Variants in TPR observed in about 807,000 individuals in gnomAD.
TPR encodes the protein nucleoprotein TPR.
A neutral mutation model predicts 316.1 loss-of-function variants in TPR; 51 were observed. The observed-to-expected ratio is 0.16, with a 90% confidence interval of 0.13 to 0.20. TPR has a LOEUF of 0.20. Ranked by LOEUF, TPR falls within the 10% of genes least tolerant of loss-of-function variation. The probability of loss-of-function intolerance (pLI) is 1.00; values close to 1 mark genes in which losing one functional copy is unlikely to be tolerated. For synonymous variants in TPR, 981 were observed against 914.7 expected, an observed-to-expected ratio of 1.07 and a Z score of -1.31; for missense variants, 2,272 against 2,754.8, an observed-to-expected ratio of 0.82 and a Z score of 3.92.
In TPR at chr1:186,367,998, G is replaced by A. The variant is rs1314281344; in HGVS notation, c.331-16C>T. 5.1e-6 allele frequency: 8 copies of A among 1,579,130 alleles called. No individual in the cohort carries two copies. The highest frequency in any genetic ancestry group is 6.9e-6 in the Non-Finnish European group (8 of 1,155,188). On this transcript the variant is annotated splice_polypyrimidine_tract_variant and intron_variant, in intron 3 of 50. Transcript: ENST00000367478. ...TAAATTGGCTCTGTCATATAAAGAA[G>A]TAATAAGTAAGAAAATCAAGTAGAG...
intron 36 of TPR, 64 bp from the exon 37 acceptor site, chr1:186,333,458 C>G: frequency 6.4e-7 from 1 of 1,569,378 alleles, no homozygotes. Context: ...AATTATCCTT[C>G]CTATTCTGTG....
At position 186,313,613 on chromosome 1, in the gene TPR, CAT is replaced by C; in HGVS notation, c.*356_*357del. On this transcript the variant is annotated 3_prime_UTR_variant, in exon 51 of 51. Coordinates refer to ENST00000367478, the MANE Select transcript of TPR (RefSeq NM_003292.3). ...CATTGTCTTTGAGCATAATAGTCAA[CAT>C]AAGTTATTTTTTAGTTTGGGCATTG... 1.1e-6 allele frequency: 1 copy of C among 912,968 alleles called. No homozygotes were observed. The highest frequency in any genetic ancestry group is 1.3e-5 in the South Asian group (1 of 76,024). The allele number at this position is 912,968 out of a possible 1,614,324, so 56.6% of individuals were successfully genotyped here.
At chr1:186,365,204 T>C (rs1391279350) in intron 4 of TPR, among the ~76,000 whole-genome samples, 2 of 151,336 alleles carry the variant, frequency 1.3e-5, no homozygotes, top group Non-Finnish European at 2.9e-5. Context: ...CATGTGATTC[T>C]CATGACTCAG....
At chr1:186,354,998 G>A (rs1478230330) in intron 17 of TPR, among the ~76,000 whole-genome samples, 1 of 152,024 alleles carries the variant, frequency 6.6e-6, no homozygotes, top group Admixed American at 6.6e-5. Flanking sequence ...CTGCCTCCTG[G>A]GCTCAAGTGA....
intron 13 of TPR, among the ~76,000 whole-genome samples, chr1:186,358,033 G>A (rs1282823280): frequency 6.6e-6 from 1 of 152,116 alleles, no homozygotes; most frequent in Non-Finnish European, 1.5e-5. Flanking sequence ...TTACATTTGT[G>A]CATTGCGTGG....
Position 186,343,858 on chromosome 1 carries a change from T to C in TPR, c.3602+48A>G. On this transcript the variant is annotated intron_variant, in intron 26 of 50. Transcript: ENST00000367478. Reference sequence around the variant, plus strand: ...CTAATTTATATATTTGTAGTTTCATTTCATAGTTGTTATACCACAGAAATG... The same window carrying C: ...CTAATTTATATATTTGTAGTTTCATCTCATAGTTGTTATACCACAGAAATG... The C allele has an allele frequency of 2.7e-6, 4 of 1,464,358 alleles. No homozygotes were observed. In the South Asian group the frequency reaches 5.1e-5, roughly 19 times the overall value. 90.7% of individuals were successfully genotyped at this position (1,464,358 alleles called of 1,614,324 possible). A position where few individuals can be genotyped will look rare whatever the true frequency, so the allele number is the denominator to read the frequency against.
chr1:186,371,065 A>T, intron 2 of TPR, 22 bp from the exon 3 acceptor site: 1 of 1,583,472 alleles, frequency 6.3e-7, no homozygotes, highest in Non-Finnish European at 8.7e-7. Flanking sequence ...GAATTTTATG[A>T]ATACATACAC....
Position 186,335,510 on chromosome 1 carries a change from T to G in TPR, c.4739A>C (p.Glu1580Ala). Residue 1580 changes from glutamate to alanine, a missense_variant, in exon 34 of 51, where the codon GAG (glutamate) becomes GCG (alanine). Glu to Ala is a moderately radical substitution (Grantham distance 107). Coordinates refer to ENST00000367478, the MANE Select transcript of TPR (RefSeq NM_003292.3). ...TAAGGCTCCATTCCTTTGTTTAAGCTCCTCATTTTCTTTAGTTAGCTGATC... is the reference window on the plus strand; with the variant it reads ...TAAGGCTCCATTCCTTTGTTTAAGCGCCTCATTTTCTTTAGTTAGCTGATC... Reference protein sequence around the residue: ...VKDQLTKENEELKQRNGALDQ... With the variant: ...VKDQLTKENEALKQRNGALDQ... The G allele has an allele frequency of 6.2e-7, 1 of 1,607,110 alleles. No individual in the cohort carries two copies. The highest frequency in any genetic ancestry group is 8.5e-7 in the Non-Finnish European group (1 of 1,177,398).
In TPR at chr1:186,367,956, T is replaced by C. The variant is rs1571640798; in HGVS notation, c.357A>G (p.Glu119=). The change falls in exon 4 of 51, where the codon GAA becomes GAG. Residue 119 remains glutamate, a synonymous_variant. Transcript: ENST00000367478. The stretch of plus-strand genomic sequence containing the variant: ...TTAAGTCTCTTTTCTCAGCTTCTAA[T>C]TCTTCCTTTGTTCTTGTAAATTGGC... ...IQSQFTRTKE[E]LEAEKRDLIR... is the part of the protein sequence containing the mutation. 1.2e-6 allele frequency: 2 copies of C among 1,610,832 alleles called. No homozygotes were observed. The highest frequency in any genetic ancestry group is 1.7e-6 in the Non-Finnish European group (2 of 1,179,490).
chr1:186,365,602 A>G (rs1659320995), intron 4 of TPR, among the ~76,000 whole-genome samples: 1 of 152,198 alleles, frequency 6.6e-6, no homozygotes, highest in African/African-American at 2.4e-5. Flanking sequence ...GTGGAAGAGA[A>G]CCCCAACAGA....
chr1:186,315,215 A>C (rs988892333), intron 49 of TPR, among the ~76,000 whole-genome samples: 5 of 148,204 alleles, frequency 3.4e-5, no homozygotes, highest in Admixed American at 3.3e-4. Flanking sequence ...TCAAAAAAAA[A>C]ACAAACAAAC....
intron 40 of TPR, among the ~76,000 whole-genome samples, chr1:186,327,181 A>ATT (rs1557993393): frequency 8.7e-5 from 2 of 22,884 alleles, no homozygotes; most frequent in Non-Finnish European, 1.5e-4. Flanking sequence ...TATTATATAT[A>ATT]TAAATATATA....
In TPR at chr1:186,335,339, T is replaced by A; in HGVS notation, c.4910A>T (p.Lys1637Met). Residue 1637 changes from lysine (K) to methionine (M), a missense_variant and splice_region_variant, in exon 34 of 51, where the codon AAG becomes ATG. This residue lies in a region of TPR where 109 missense variants were observed against 215.3 expected (regional missense o/e 0.51). Coordinates refer to ENST00000367478, the MANE Select transcript of TPR (RefSeq NM_003292.3). The stretch of plus-strand genomic sequence containing the variant: ...ACTTAAGCAGAATTAGCTAATCACC[T>A]TATTAGAAGGTTCTTGAGGCTCATC... ...QRDEPQEPSN[K>M]VPEQQRQITL... 3 of 1,612,814 alleles carry A rather than the reference T, an allele frequency of 1.9e-6. No individual in the cohort carries two copies. Among genetic ancestry groups the A allele is most frequent in the Non-Finnish European group, 2.5e-6 (3 of 1,179,460 alleles).
intron 43 of TPR, 101 bp from the exon 44 acceptor site, chr1:186,322,687 T>C (rs1453376485): frequency 8.5e-7 from 1 of 1,172,420 alleles, no homozygotes; most frequent in African/African-American, 1.5e-5. Flanking sequence ...GCCAACAAAA[T>C]AGTTAGCAGA....
chr1:186,339,630 C>T lies in TPR; in HGVS notation c.4151+12G>A, dbSNP rs1658447799. 1 of 1,535,706 alleles carries T rather than the reference C, an allele frequency of 6.5e-7. No individual in the cohort carries two copies. Among genetic ancestry groups the T allele is most frequent in the Non-Finnish European group, 8.7e-7 (1 of 1,146,504 alleles). On this transcript the variant is annotated intron_variant, in intron 30 of 50. Coordinates refer to ENST00000367478, the MANE Select transcript of TPR (RefSeq NM_003292.3). ...TTATATTATATATGATTTAAGGCTT[C>T]TTTCCATATACCTTGCAATTTCAGC... is the stretch of plus-strand genomic sequence containing the variant.
At chr1:186,361,984 C>G in intron 7 of TPR, 115 bp from the exon 8 acceptor site, 1 of 892,234 alleles carries the variant, frequency 1.1e-6, no homozygotes, top group Non-Finnish European at 1.7e-6. Context: ...CTAAAACACT[C>G]AAATTCAAAT....
chr1:186,343,517 G>T, intron 26 of TPR, 44 bp from the exon 27 acceptor site: 1 of 1,573,032 alleles, frequency 6.4e-7, no homozygotes, highest in Non-Finnish European at 8.6e-7. Context: ...ATTTTAAAAA[G>T]CCAACATTAC....
rs766042308 is a variant in TPR at position 186,331,586 on chromosome 1, A to G, written c.5605-5T>C. 66 of 1,596,824 alleles carry G rather than the reference A, an allele frequency of 4.1e-5. No homozygotes were observed. The highest frequency in any genetic ancestry group is 5.4e-5 in the Non-Finnish European group (63 of 1,168,082). ...TTCTTCTGCCATAACTTCTTCCTGT[A>G]TCATAATACACTAATATATTAACCA... is the stretch of plus-strand genomic sequence containing the variant. On this transcript the variant is annotated splice_polypyrimidine_tract_variant and splice_region_variant and intron_variant, in intron 38 of 50. Coordinates refer to ENST00000367478, the MANE Select transcript of TPR (RefSeq NM_003292.3).
chr1:186,341,075 TCTC>T lies in TPR; in HGVS notation c.3970_3972del (p.Glu1324del). 5 of 1,614,126 alleles carry T rather than the reference TCTC, an allele frequency of 3.1e-6. No homozygotes were observed. The highest frequency in any genetic ancestry group is 4.2e-6 in the Non-Finnish European group (5 of 1,180,008). On this transcript the variant is annotated inframe_deletion, in exon 29 of 51. Transcript: ENST00000367478. Reference sequence around the variant, plus strand: ...TTGACATCCTCTTCTAAGAGCTTCTTCTCTGCCTGCAACATACCGCTTTTCTCA... The same window carrying T: ...TTGACATCCTCTTCTAAGAGCTTCTTTGCCTGCAACATACCGCTTTTCTCA...
Sources: gnomAD v4.1 joint callset for allele counts (sites outside exome capture counted in the v4.1 genomes callset) on GRCh38, gnomAD v4.1.1 for gene constraint, gnomAD v4.1.1 regional missense constraint, MANE v1.5 for transcripts, NCBI Gene and HGNC (gene_info 2026-07-23, HGNC 2026-07-21) for gene names.